PURG: variants seen among roughly 807,000 people sequenced by gnomAD.
PURG encodes purine-rich element-binding protein gamma.
PURG carries 3 observed loss-of-function variants against 24.3 expected under a neutral mutation model. That is an observed-to-expected ratio of 0.12 (90% CI 0.06 to 0.32). The LOEUF (loss-of-function observed/expected upper bound fraction) is 0.32. PURG is among the 10% of genes least tolerant of loss of function. The pLI, the probability that PURG is intolerant of heterozygous loss-of-function variation, is 1.00. For missense variants in PURG, 371 were observed against 439.1 expected, an observed-to-expected ratio of 0.84 and a Z score of 1.39; for synonymous variants, 180 against 173.1, an observed-to-expected ratio of 1.04 and a Z score of -0.31.
chr8:31,018,702 G>A (rs142449121), intron 1 of PURG, among the ~76,000 whole-genome samples: 1 of 152,216 alleles, frequency 6.6e-6, no homozygotes, highest in East Asian at 1.9e-4. Context: ...GTGTTCTGGA[G>A]TGCTAATCAT....
chr8:30,996,786 T>A (rs1810437392), intron 1 of PURG: 1 of 1,009,486 alleles, frequency 9.9e-7, no homozygotes, highest in South Asian at 1.6e-5. Context: ...ATAATTAATC[T>A]CGTTGAAAAC....
intron 1 of PURG, among the ~76,000 whole-genome samples, chr8:31,008,022 T>C (rs776905632): frequency 6.6e-6 from 1 of 152,186 alleles, no homozygotes; most frequent in Admixed American, 6.5e-5. Context: ...TTTTGTTTCC[T>C]GTGCAAGAAA....
rs113928808 is a variant in PURG at position 31,004,862 on chromosome 8, C to T, written c.865-8165G>A. ...AAAGAGTAGCTCTTGATGCATATAACGCTAATTAAGGTGGGAGAGTTGTTT... is the reference window on the plus strand; with the variant it reads ...AAAGAGTAGCTCTTGATGCATATAATGCTAATTAAGGTGGGAGAGTTGTTT... On this transcript the variant is annotated intron_variant, in intron 1 of 1. Coordinates refer to the PURG transcript ENST00000339382. Among the ~76,000 whole-genome samples, 343 of 152,118 alleles carry T rather than the reference C, an allele frequency of 2.3e-3. 1 individual carries two copies. Among genetic ancestry groups the T allele is most frequent in the African/African-American group, 7.3e-3 (305 of 41,498 alleles).
intron 1 of PURG, among the ~76,000 whole-genome samples, chr8:31,011,090 C>T (rs1456490004): frequency 1.3e-5 from 2 of 152,140 alleles, no homozygotes; most frequent in Non-Finnish European, 2.9e-5. Flanking sequence ...TAGCTGAGAA[C>T]ACTGATGGAT....
At chr8:31,028,471 AT>A (rs1418414567), downstream of PURG, among the ~76,000 whole-genome samples, 5 of 151,830 alleles carry the variant, frequency 3.3e-5, no homozygotes, top group Non-Finnish European at 7.4e-5. Flanking sequence ...GAACTGACAG[AT>A]TGTCTGCCTG....
chr8:31,001,737 G>A (rs761098520), intron 1 of PURG, among the ~76,000 whole-genome samples: 1 of 152,150 alleles, frequency 6.6e-6, no homozygotes, highest in Non-Finnish European at 1.5e-5. Context: ...AGCTGTGCTG[G>A]TCCACTTTTG....
intron 1 of PURG, among the ~76,000 whole-genome samples, chr8:30,999,769 A>T (rs1354324444): frequency 6.6e-6 from 1 of 152,004 alleles, no homozygotes; most frequent in African/African-American, 2.4e-5. Context: ...AAATATAATC[A>T]AGGAGATGAT....
In PURG at chr8:31,032,610, T is replaced by C; in HGVS notation, c.173A>G (p.Gln58Arg). Residue 58 changes from glutamine to arginine, a missense_variant, in exon 2 of 2, where the codon CAG becomes CGG. Gln to Arg is a conservative substitution (Grantham distance 43). Coordinates refer to ENST00000523392, the MANE Select transcript of PURG (RefSeq NM_001323311.2). The surrounding 1 kb of genome is among the most constrained non-coding windows in gnomAD (Gnocchi z 5.9). ...GTCCACTCGTTTGGAGGCCAGCTCC[T>C]GGATTTCGGCTGCGCCCCCGGCCTG... is the stretch of plus-strand genomic sequence containing the variant. ...PNQAGGAAEI[Q>R]ELASKRVDIQ... 1 of 1,607,716 alleles carries C rather than the reference T, an allele frequency of 6.2e-7. No individual in the cohort carries two copies. Among genetic ancestry groups the C allele is most frequent in the Non-Finnish European group, 8.5e-7 (1 of 1,175,916 alleles).
intron 1 of PURG, among the ~76,000 whole-genome samples, chr8:31,024,745 G>A (rs1414157496): frequency 6.6e-6 from 1 of 151,906 alleles, no homozygotes; most frequent in African/African-American, 2.4e-5. Flanking sequence ...AAGTAATCCT[G>A]ACTTTAATCA....
intron 1 of PURG, among the ~76,000 whole-genome samples, chr8:31,004,641 C>G (rs974235670): frequency 6.6e-6 from 1 of 152,098 alleles, no homozygotes; most frequent in African/African-American, 2.4e-5. Context: ...CCACTGCACT[C>G]CAGACTGGGC....
At chr8:31,021,889 T>A (rs1002139340) in intron 1 of PURG, among the ~76,000 whole-genome samples, 1 of 152,102 alleles carries the variant, frequency 6.6e-6, no homozygotes, top group Non-Finnish European at 1.5e-5. Context: ...TAATAAATCT[T>A]AATTGACTCT....
chr8:31,006,549 C>T (rs1810656119), intron 1 of PURG, among the ~76,000 whole-genome samples: 1 of 124,788 alleles, frequency 8.0e-6, no homozygotes, highest in African/African-American at 2.6e-5. Context: ...AACAAAAACA[C>T]CCTATCATCA....
At chr8:31,015,448 T>C (rs530910763) in intron 1 of PURG, among the ~76,000 whole-genome samples, 1 of 152,134 alleles carries the variant, frequency 6.6e-6, no homozygotes, top group South Asian at 2.1e-4. Context: ...TGATAAATGA[T>C]AGGTTTATAC....
At chr8:30,996,619 C>G (rs1183654161) in exon 2 of PURG, 2 of 1,610,870 alleles carry the variant, frequency 1.2e-6, no homozygotes, top group Non-Finnish European at 8.5e-7. Context: ...TTTGTAGTAT[C>G]ATGGGGCTGT....
At position 31,033,130 on chromosome 8, in the gene PURG, G is replaced by T; in HGVS notation, c.-59C>A. The T allele has an allele frequency of 4.5e-6, 1 of 221,722 alleles. No homozygotes were observed. Among genetic ancestry groups the T allele is most frequent in the Non-Finnish European group, 8.7e-6 (1 of 114,342 alleles). 13.7% of individuals were successfully genotyped at this position (221,722 alleles called of 1,614,324 possible). A position where few individuals can be genotyped will look rare whatever the true frequency, so the allele number is the denominator to read the frequency against. On this transcript the variant is annotated 5_prime_UTR_variant, in exon 1 of 2. Transcript: ENST00000523392. ...GATGCCCTTCACGACCACCGCCGCC[G>T]CCACCGCCAGCTCTCGGCCCCTCTG...
In PURG at chr8:31,032,086, G is replaced by A; in HGVS notation, c.697C>T (p.Arg233Cys). ...VLPAQGMIEFRDALVQLIEDY... is the reference protein window; with the variant it reads ...VLPAQGMIEFCDALVQLIEDY... ...TCAATCAGCTGAACCAAGGCATCAC[G>A]AAACTCAATCATTCCTTGTGCTGGG... Residue 233 changes from arginine to cysteine, a missense_variant, in exon 2 of 2, where the codon CGT (arginine) becomes TGT (cysteine). Physicochemically the swap from Arg to Cys is radical, Grantham distance 180. Transcript: ENST00000523392. This position sits in a 1 kb window ranked among gnomAD's most constrained non-coding sequence, Gnocchi z 5.9. 6.2e-7 allele frequency: 1 copy of A among 1,614,158 alleles called. No homozygotes were observed. The highest frequency in any genetic ancestry group is 8.5e-7 in the Non-Finnish European group (1 of 1,180,028).
At chr8:31,009,965 T>C (rs1810733963) in intron 1 of PURG, among the ~76,000 whole-genome samples, 1 of 151,994 alleles carries the variant, frequency 6.6e-6, no homozygotes, top group Admixed American at 6.6e-5. Context: ...GGCATGGTGG[T>C]GCATGCCTGT....
chr8:31,026,931 C>T (rs1585368107), downstream of PURG, among the ~76,000 whole-genome samples: 1 of 151,412 alleles, frequency 6.6e-6, no homozygotes, highest in African/African-American at 2.4e-5. Context: ...TAAGCTCTAC[C>T]TACTAAATTT....
At chr8:30,999,905 C>T (rs2725372) in intron 1 of PURG, among the ~76,000 whole-genome samples, 12,496 of 151,726 alleles carry the variant, frequency 0.082, 1,577 homozygotes, top group African/African-American at 0.27. Flanking sequence ...AACATCGTGA[C>T]GGTTTGTTTA....
Sources: gnomAD v4.1 joint callset for allele counts (sites outside exome capture counted in the v4.1 genomes callset) on GRCh38, gnomAD v4.1.1 for gene constraint, Gnocchi (gnomAD v3.1) non-coding constraint, MANE v1.5 for transcripts, NCBI Gene and HGNC (gene_info 2026-07-23, HGNC 2026-07-21) for gene names.